Variants in UNC79 observed in about 807,000 individuals in gnomAD.
The protein encoded by UNC79 is protein unc-79 homolog.
Under a neutral mutation model 283.1 loss-of-function variants are expected in UNC79, and 37 were observed. That is an observed-to-expected ratio of 0.13 (90% CI 0.10 to 0.17). The LOEUF is 0.17. UNC79 is among the 10% of genes least tolerant of loss of function. The pLI is 1.00. For synonymous variants in UNC79, 1,107 were observed against 1,200.2 expected (o/e 0.92, Z 1.61); for missense variants, 2,272 against 3,211.1 (o/e 0.71, Z 7.07).
At chr14:93,462,726 C>T (rs367904619) in intron 1 of UNC79, among the ~76,000 whole-genome samples, 12 of 152,156 alleles carry the variant, frequency 7.9e-5, no homozygotes, top group South Asian at 2.1e-4. Flanking sequence ...GAGTGAGGTA[C>T]GGCGGGGAAT....
At chr14:93,600,497 C>A in intron 24 of UNC79, 72 bp from the exon 25 acceptor site, 6 of 1,134,130 alleles carry the variant, frequency 5.3e-6, no homozygotes, top group Non-Finnish European at 7.5e-6. Flanking sequence ...CCTAGTATAT[C>A]GGCTTTGAAG....
In UNC79 at chr14:93,701,478, A is replaced by G. The variant is rs969977824; in HGVS notation, c.7549-3147A>G. On this transcript the variant is annotated intron_variant, in intron 47 of 48. Coordinates refer to ENST00000555664, the Ensembl canonical transcript of UNC79. ...AGATAAGAGGAAGGGTATCACTTTT[A>G]TTCTTGTGAAAACCTATTTTTTAAA... is the stretch of plus-strand genomic sequence containing the variant. 7.2e-5 allele frequency among the ~76,000 whole-genome samples: 11 copies of G among 152,152 alleles called. 1 individual carries two copies. The South Asian group carries it at 2.3e-3, about 32-fold the overall frequency.
At chr14:93,532,656 A>T in intron 11 of UNC79, 78 bp downstream of exon 11, 1 of 1,570,404 alleles carries the variant, frequency 6.4e-7, no homozygotes, top group Non-Finnish European at 8.7e-7. Flanking sequence ...CATCTGCCTC[A>T]TTTCTGCACC....
At chr14:93,355,283 C>T (rs971814599) in intron 1 of UNC79, among the ~76,000 whole-genome samples, 5 of 152,170 alleles carry the variant, frequency 3.3e-5, no homozygotes, top group African/African-American at 7.2e-5. Flanking sequence ...CTGCAACCTC[C>T]GCCTTCTGGT....
chr14:93,698,027 A>T (rs1374686399), intron 47 of UNC79, among the ~76,000 whole-genome samples: 2 of 152,164 alleles, frequency 1.3e-5, no homozygotes, highest in Non-Finnish European at 2.9e-5. Flanking sequence ...TTTACTTCCA[A>T]ATATTTAAAG....
At chr14:93,668,609 T>A (rs1463889028) in intron 40 of UNC79, among the ~76,000 whole-genome samples, 1 of 148,630 alleles carries the variant, frequency 6.7e-6, no homozygotes, top group Non-Finnish European at 1.5e-5. Context: ...CTTTGGGAGG[T>A]GAAGGTGGGT....
At chr14:93,707,556 A>T (rs760693494), downstream of UNC79, 4 of 152,238 alleles carry the variant, frequency 2.6e-5, no homozygotes, top group Non-Finnish European at 5.9e-5. Flanking sequence ...TGTAAGCTTT[A>T]TGATAACCAC....
intron 31 of UNC79, among the ~76,000 whole-genome samples, chr14:93,633,335 A>AT (rs1473339850): frequency 3.9e-5 from 6 of 152,238 alleles, no homozygotes; most frequent in African/African-American, 1.4e-4. Context: ...TTTCGTAGCT[A>AT]AACGTGTTGT....
At chr14:93,400,795 C>T (rs1595432335) in intron 1 of UNC79, among the ~76,000 whole-genome samples, 1 of 151,830 alleles carries the variant, frequency 6.6e-6, no homozygotes, top group Non-Finnish European at 1.5e-5. Flanking sequence ...TTCAATGATT[C>T]GGATGTGAGA....
intron 1 of UNC79, among the ~76,000 whole-genome samples, chr14:93,357,413 ACCCACC>A (rs974775569): frequency 2.0e-5 from 3 of 151,802 alleles, no homozygotes; most frequent in Non-Finnish European, 4.4e-5. Flanking sequence ...CGAAAGGCAA[ACCCACC>A]CTCGATCTGG....
intron 1 of UNC79, among the ~76,000 whole-genome samples, chr14:93,448,793 A>G (rs906839084): frequency 6.6e-6 from 1 of 152,150 alleles, no homozygotes; most frequent in African/African-American, 2.4e-5. Flanking sequence ...TGTGTGGTTC[A>G]GGGGTCAGTC....
At chr14:93,445,795 G>A (rs2056443473) in intron 1 of UNC79, among the ~76,000 whole-genome samples, 1 of 152,116 alleles carries the variant, frequency 6.6e-6, no homozygotes. Flanking sequence ...AGTTCATAAA[G>A]ATTTCACAAT....
intron 5 of UNC79, among the ~76,000 whole-genome samples, chr14:93,495,680 G>A (rs563005663): frequency 2.0e-5 from 3 of 152,314 alleles, no homozygotes; most frequent in East Asian, 1.9e-4. Context: ...GATGAGGACT[G>A]GAAAATGTCC....
chr14:93,468,441 A>G (rs540985183), intron 2 of UNC79, among the ~76,000 whole-genome samples: 1 of 152,382 alleles, frequency 6.6e-6, no homozygotes, highest in African/African-American at 2.4e-5. Flanking sequence ...CAGAAATAAC[A>G]TTGAAGAATT....
intron 5 of UNC79, among the ~76,000 whole-genome samples, chr14:93,492,377 C>T (rs1169080216): frequency 1.3e-5 from 2 of 151,934 alleles, no homozygotes; most frequent in East Asian, 1.9e-4. Flanking sequence ...TTTTATTTTT[C>T]GAGATGGAAT....
intron 14 of UNC79, among the ~76,000 whole-genome samples, chr14:93,564,584 C>T (rs1226836150): frequency 6.6e-6 from 1 of 152,212 alleles, no homozygotes; most frequent in Non-Finnish European, 1.5e-5. Flanking sequence ...TCACACGCGT[C>T]CATGTGAAGA....
chr14:93,622,506 A>G (rs759998241), exon 30 of UNC79: 1 of 1,614,044 alleles, frequency 6.2e-7, no homozygotes, highest in Non-Finnish European at 8.5e-7. Context: ...GCTCTCCCCG[A>G]GATGTCGCTG....
At chr14:93,381,764 A>G (rs1233342531) in intron 1 of UNC79, among the ~76,000 whole-genome samples, 1 of 152,234 alleles carries the variant, frequency 6.6e-6, no homozygotes, top group African/African-American at 2.4e-5. Flanking sequence ...ATGAACTTCA[A>G]AGAAAGACAA....
chr14:93,520,005 C>A (rs2060248289), intron 7 of UNC79, among the ~76,000 whole-genome samples: 1 of 151,848 alleles, frequency 6.6e-6, no homozygotes. Flanking sequence ...ACTCTTTATG[C>A]CTTTGTGTAA....
Sources: gnomAD v4.1 joint callset for allele counts (sites outside exome capture counted in the v4.1 genomes callset) on GRCh38, gnomAD v4.1.1 for gene constraint, MANE v1.5 for transcripts, NCBI Gene and HGNC (gene_info 2026-07-23, HGNC 2026-07-21) for gene names.